Variants in DAB1 observed in about 807,000 individuals in gnomAD.
DAB1 encodes the protein DAB adaptor protein 1.
In DAB1, 15 loss-of-function variants were observed where a neutral mutation model predicts 64.6. The observed-to-expected ratio is 0.23, with a 90% CI of 0.16 to 0.36. DAB1 has a LOEUF of 0.36. Among genes scored for constraint, DAB1 ranks in the 10% least tolerant of loss-of-function variants. DAB1 has a pLI of 1.00. For missense variants in DAB1, 596 were observed against 706.7 expected (o/e 0.84, Z 1.78); for synonymous variants, 235 against 251.9 (o/e 0.93, Z 0.64).
chr1:57,110,354 T>C (rs1655544330), intron 4 of DAB1, among the ~76,000 whole-genome samples: 1 of 152,220 alleles, frequency 6.6e-6, no homozygotes, highest in Non-Finnish European at 1.5e-5. Flanking sequence ...TCAATGCTGT[T>C]CTGCAAGCAA....
intron 7 of DAB1, among the ~76,000 whole-genome samples, chr1:57,491,366 T>C (rs2101278295): frequency 6.6e-6 from 1 of 152,210 alleles, no homozygotes; most frequent in Admixed American, 6.5e-5. Context: ...AGGCGGAGCT[T>C]GCAGTGAGCC....
At chr1:57,214,706 C>T (rs959903906) in intron 2 of DAB1, among the ~76,000 whole-genome samples, 1 of 151,834 alleles carries the variant, frequency 6.6e-6, no homozygotes, top group Non-Finnish European at 1.5e-5. Flanking sequence ...GTCAGGAGAT[C>T]GAGACCATCC....
intron 6 of DAB1, among the ~76,000 whole-genome samples, chr1:57,716,747 C>T (rs909110780): frequency 1.3e-5 from 2 of 152,142 alleles, no homozygotes; most frequent in South Asian, 2.1e-4. Flanking sequence ...TTATATCAAA[C>T]TAATGAGCTT....
chr1:58,163,949 T>C (rs757400280), intron 4 of DAB1, among the ~76,000 whole-genome samples: 1 of 152,178 alleles, frequency 6.6e-6, no homozygotes, highest in Non-Finnish European at 1.5e-5. Flanking sequence ...AATATGCTTT[T>C]CTACCCACAC....
intron 3 of DAB1, among the ~76,000 whole-genome samples, chr1:58,418,164 T>C (rs927669777): frequency 3.9e-5 from 6 of 152,296 alleles, no homozygotes; most frequent in South Asian, 2.1e-4. Context: ...CCCTCTCTTA[T>C]AGCTTTGCTG....
At chr1:58,528,011 T>C (rs566949438) in intron 1 of DAB1, among the ~76,000 whole-genome samples, 6 of 152,372 alleles carry the variant, frequency 3.9e-5, no homozygotes, top group African/African-American at 1.4e-4. Flanking sequence ...GGCAGGACTT[T>C]TGAGAAAAGA....
chr1:57,797,101 C>T (rs147381080), intron 6 of DAB1, among the ~76,000 whole-genome samples: 97 of 152,286 alleles, frequency 6.4e-4, no homozygotes, highest in African/African-American at 2.2e-3. Context: ...AATATATTTC[C>T]CATTATTTCT....
intron 2 of DAB1, among the ~76,000 whole-genome samples, chr1:57,265,700 C>T (rs1670535189): frequency 6.6e-6 from 1 of 152,146 alleles, no homozygotes; most frequent in Non-Finnish European, 1.5e-5. Flanking sequence ...TATTGAAAAA[C>T]CAGCACTCGT....
intron 3 of DAB1, among the ~76,000 whole-genome samples, chr1:58,343,621 G>A (rs750745076): frequency 7.9e-5 from 12 of 152,210 alleles, no homozygotes; most frequent in South Asian, 2.1e-4. Context: ...GTTGTGCTGC[G>A]TGAAGAGCAG....
intron 5 of DAB1, among the ~76,000 whole-genome samples, chr1:58,148,712 C>G (rs1654751508): frequency 6.6e-6 from 1 of 152,044 alleles, no homozygotes; most frequent in South Asian, 2.1e-4. Flanking sequence ...GGGAACTGCC[C>G]TTTATAAAAC....
intron 1 of DAB1, among the ~76,000 whole-genome samples, chr1:57,872,184 T>C (rs550509529): frequency 4.6e-5 from 7 of 152,320 alleles, no homozygotes; most frequent in African/African-American, 1.7e-4. Context: ...TCTAGCACTC[T>C]TATGATCTGA....
At chr1:58,309,345 C>T (rs1386168308) in intron 4 of DAB1, among the ~76,000 whole-genome samples, 1 of 152,092 alleles carries the variant, frequency 6.6e-6, no homozygotes, top group Non-Finnish European at 1.5e-5. Flanking sequence ...CCATGGGCCG[C>T]TTGAATTTTA....
At chr1:57,541,013 G>A (rs566618314) in intron 7 of DAB1, among the ~76,000 whole-genome samples, 3 of 152,250 alleles carry the variant, frequency 2.0e-5, no homozygotes, top group Admixed American at 6.5e-5. Flanking sequence ...AAATGCTCGA[G>A]GCGATGGAGA....
chr1:57,632,471 G>A (rs1646001696), intron 7 of DAB1, among the ~76,000 whole-genome samples: 1 of 152,156 alleles, frequency 6.6e-6, no homozygotes, highest in Non-Finnish European at 1.5e-5. Context: ...GAAAGTGGTA[G>A]GTGACTAGCG....
intron 2 of DAB1, among the ~76,000 whole-genome samples, chr1:57,184,019 A>G (rs1422224366): frequency 6.6e-6 from 1 of 152,134 alleles, no homozygotes; most frequent in African/African-American, 2.4e-5. Flanking sequence ...CTGGTGAGCT[A>G]TAAAGCCACT....
At chr1:58,428,908 G>C (rs947187861) in intron 3 of DAB1, among the ~76,000 whole-genome samples, 3 of 152,180 alleles carry the variant, frequency 2.0e-5, no homozygotes, top group African/African-American at 7.2e-5. Context: ...CATTGTAAAG[G>C]AGTCCCCTAT....
intron 7 of DAB1, among the ~76,000 whole-genome samples, chr1:57,642,544 C>A (rs985992729): frequency 4.6e-5 from 7 of 152,156 alleles, no homozygotes; most frequent in African/African-American, 1.4e-4. Flanking sequence ...TCCCTCAAGC[C>A]CCAATCTTCT....
intron 4 of DAB1, among the ~76,000 whole-genome samples, chr1:58,323,136 C>T (rs375625195): frequency 5.9e-5 from 9 of 151,708 alleles, no homozygotes; most frequent in East Asian, 3.9e-4. Flanking sequence ...AAATACCTAA[C>T]GTAAATGACG....
At chr1:57,811,319 C>G (rs1651610414) in intron 6 of DAB1, among the ~76,000 whole-genome samples, 1 of 152,194 alleles carries the variant, frequency 6.6e-6, no homozygotes, top group Non-Finnish European at 1.5e-5. Flanking sequence ...AATGCTTTAA[C>G]ACAATCCCCC....
Sources: gnomAD v4.1 joint callset for allele counts (sites outside exome capture counted in the v4.1 genomes callset) on GRCh38, gnomAD v4.1.1 for gene constraint, MANE v1.5 for transcripts, NCBI Gene and HGNC (gene_info 2026-07-23, HGNC 2026-07-21) for gene names.